The following TTC29 variants were observed in gnomAD, a reference collection of about 807,000 sequenced individuals.
The protein encoded by TTC29 is tetratricopeptide repeat protein 29.
Under a neutral mutation model 58.1 loss-of-function variants are expected in TTC29, and 49 were observed. The ratio of observed to expected loss-of-function variants is 0.84; its 90% CI spans 0.67 to 1.07. The LOEUF (loss-of-function observed/expected upper bound fraction) is 1.07, where lower values mean the gene tolerates loss of function less well. Among genes scored for constraint, TTC29 ranks in the 50% least tolerant of loss-of-function variants. The probability of loss-of-function intolerance (pLI) is 0.00; values close to 1 mark genes in which losing one functional copy is unlikely to be tolerated. For synonymous variants in TTC29, 209 were observed against 196.8 expected (o/e 1.06, Z -0.52); for missense variants, 582 against 555.6 (o/e 1.05, Z -0.48).
rs1475535404 is a variant in TTC29, at chr4:146,820,231, T to C, written c.995A>G (p.Glu332Gly). ...KVLQSQGEMTEAIKYLKKFVK... is the reference protein window; with the variant it reads ...KVLQSQGEMTGAIKYLKKFVK... ...AAATTTTTTCAAGTATTTAATTGCT[T>C]CTGTCATCTCTCCTTGGCTAGAATG... The change falls in exon 10 of 13, where the codon GAA (glutamate) becomes GGA (glycine). Residue 332 changes from glutamate (E) to glycine (G), a missense_variant. Transcript: ENST00000325106. 1.2e-6 allele frequency: 2 copies of C among 1,612,018 alleles called. No homozygotes were observed. The highest frequency in any genetic ancestry group is 1.7e-6 in the Non-Finnish European group (2 of 1,179,640).
At chr4:146,927,835 G>A (rs1735041122) in intron 4 of TTC29, among the ~76,000 whole-genome samples, 1 of 152,112 alleles carries the variant, frequency 6.6e-6, no homozygotes. Flanking sequence ...CAGAACACAT[G>A]TGCAAGGCTA....
rs1221927672 is a variant in TTC29, at chr4:146,855,933, C to G, written c.885+11565G>C. 2.6e-5 allele frequency among the ~76,000 whole-genome samples: 4 copies of G among 152,280 alleles called. No homozygotes were observed. In the East Asian group the frequency reaches 7.7e-4, roughly 29 times the overall value. On this transcript the variant is annotated intron_variant, in intron 8 of 12. Transcript: ENST00000325106. ...TCTTCTAGGTGTAATGCCTCTTCTT[C>G]TTTCGCAGCCTCTAGATCAACGAGT...
rs148491475 is a variant in TTC29, at chr4:146,732,593, C to T, written c.1331-25042G>A. Among the ~76,000 whole-genome samples, 10 of 151,804 alleles carry T rather than the reference C, an allele frequency of 6.6e-5. No individual in the cohort carries two copies. In the East Asian group the frequency reaches 7.8e-4, roughly 12 times the overall value. ...GTTTTGGGTTTAACTGGTTTAACTA[C>T]GGGAATGAGTAGGTAAGATATGGTG... On this transcript the variant is annotated intron_variant, in intron 11 of 12. Transcript: ENST00000325106.
At chr4:146,707,957 ACC>A (rs1180038193) in intron 11 of TTC29, among the ~76,000 whole-genome samples, 1 of 151,934 alleles carries the variant, frequency 6.6e-6, no homozygotes, top group African/African-American at 2.4e-5. Context: ...AAGTCCTCAT[ACC>A]CTGAGACTGC....
chr4:146,733,233 C>T (rs1744473116), intron 11 of TTC29, among the ~76,000 whole-genome samples: 1 of 152,086 alleles, frequency 6.6e-6, no homozygotes, highest in African/African-American at 2.4e-5. Flanking sequence ...TCCTGATAGT[C>T]ACAGGCAGAG....
intron 11 of TTC29, among the ~76,000 whole-genome samples, chr4:146,772,025 A>G (rs1220481643): frequency 1.3e-5 from 2 of 152,034 alleles, no homozygotes; most frequent in Admixed American, 1.3e-4. Context: ...ATCTTCTTAT[A>G]TGCTTGTTGG....
rs553600068 is a variant in TTC29 at position 146,853,328 on chromosome 4, T to C, written c.885+14170A>G. Among the ~76,000 whole-genome samples the C allele has an allele frequency of 4.5e-4, 69 of 152,244 alleles. 1 individual carries two copies. Among genetic ancestry groups the C allele is most frequent in the African/African-American group, 1.6e-3 (66 of 41,576 alleles). ...TTTCATATATTATTTATGCACTACA[T>C]ATATATGTATTTATATATAAGTAGG... On this transcript the variant is annotated intron_variant, in intron 8 of 12. Coordinates refer to ENST00000325106, the MANE Select transcript of TTC29 (RefSeq NM_031956.4).
chr4:146,818,937 G>A (rs531968388), intron 10 of TTC29, among the ~76,000 whole-genome samples: 1 of 152,026 alleles, frequency 6.6e-6, no homozygotes, highest in African/African-American at 2.4e-5. Flanking sequence ...ACTGTTGTGG[G>A]GTGGGGGATG....
chr4:146,818,813 T>C (rs1252276632), intron 10 of TTC29, among the ~76,000 whole-genome samples: 6 of 152,026 alleles, frequency 3.9e-5, no homozygotes, highest in Non-Finnish European at 8.8e-5. Context: ...AAATCATCAT[T>C]CTCAGTAAAC....
intron 11 of TTC29, among the ~76,000 whole-genome samples, chr4:146,708,547 C>A (rs1742234091): frequency 6.6e-6 from 1 of 150,534 alleles, no homozygotes; most frequent in Non-Finnish European, 1.5e-5. Flanking sequence ...ATAGAGAGAG[C>A]CATGTTAATT....
chr4:146,808,552 C>A (rs965613939), intron 10 of TTC29, among the ~76,000 whole-genome samples: 8 of 152,172 alleles, frequency 5.3e-5, no homozygotes, highest in Admixed American at 1.3e-4. Context: ...TCTCAGGATA[C>A]AAAATCAATG....
At chr4:146,774,944 A>T (rs890146902) in intron 11 of TTC29, among the ~76,000 whole-genome samples, 1 of 152,130 alleles carries the variant, frequency 6.6e-6, no homozygotes, top group African/African-American at 2.4e-5. Flanking sequence ...TGTTTGGTAC[A>T]TATGTATTTA....
At chr4:146,751,462 A>G (rs1745985673) in intron 11 of TTC29, among the ~76,000 whole-genome samples, 1 of 152,240 alleles carries the variant, frequency 6.6e-6, no homozygotes, top group Non-Finnish European at 1.5e-5. Context: ...ACGTTAGGCC[A>G]CAAAACAAGT....
At chr4:146,730,696 T>C (rs1488283367) in intron 11 of TTC29, among the ~76,000 whole-genome samples, 3 of 152,132 alleles carry the variant, frequency 2.0e-5, no homozygotes, top group African/African-American at 7.2e-5. Flanking sequence ...ACTTTGTTCA[T>C]TGTTGCTGAT....
At chr4:146,878,639 T>C (rs960359074) in intron 6 of TTC29, among the ~76,000 whole-genome samples, 1 of 152,040 alleles carries the variant, frequency 6.6e-6, no homozygotes, top group Non-Finnish European at 1.5e-5. Flanking sequence ...CCAGGAAACT[T>C]AGGTGGAGTG....
In TTC29 at chr4:146,755,475, G is replaced by A. The variant is rs1175302542; in HGVS notation, c.1331-47924C>T. On this transcript the variant is annotated intron_variant, in intron 11 of 12. Transcript: ENST00000325106. ...CACACTTTCTCGTTTAAAGGAAATG[G>A]GGAGATGTAAATCAGACGATAAAAG... 2.0e-5 allele frequency among the ~76,000 whole-genome samples: 3 copies of A among 152,070 alleles called. No homozygotes were observed. The East Asian group carries it at 5.8e-4, about 29-fold the overall frequency.
chr4:146,907,551 C>A (rs542243595), intron 5 of TTC29, among the ~76,000 whole-genome samples: 3 of 152,206 alleles, frequency 2.0e-5, no homozygotes, highest in South Asian at 4.2e-4. Flanking sequence ...CAAGCTGGAG[C>A]GCAATGGAGC....
At chr4:146,802,794 G>GT (rs1488251123) in intron 11 of TTC29, among the ~76,000 whole-genome samples, 2 of 152,050 alleles carry the variant, frequency 1.3e-5, no homozygotes, top group Non-Finnish European at 2.9e-5. Context: ...AGGCAGTATT[G>GT]TTTTTTATTT....
At chr4:146,827,701 G>A (rs889559521) in intron 9 of TTC29, among the ~76,000 whole-genome samples, 5 of 152,116 alleles carry the variant, frequency 3.3e-5, no homozygotes, top group African/African-American at 1.2e-4. Flanking sequence ...TTGTGTAAAT[G>A]TATAGCTTGG....
Sources: gnomAD v4.1 joint callset for allele counts (sites outside exome capture counted in the v4.1 genomes callset) on GRCh38, gnomAD v4.1.1 for gene constraint, MANE v1.5 for transcripts, NCBI Gene and HGNC (gene_info 2026-07-23, HGNC 2026-07-21) for gene names.